TMEM250: variants seen among roughly 807,000 people sequenced by gnomAD.
The protein encoded by TMEM250 is herpes virus UL25-binding protein.
A neutral mutation model predicts 7.0 loss-of-function variants in TMEM250; 7 were observed. The ratio of observed to expected loss-of-function variants is 1.00; its 90% CI spans 0.57 to 1.87. The LOEUF is 1.87. Among genes scored for constraint, TMEM250 ranks in the 40% most tolerant of loss-of-function variants. The pLI, the probability that TMEM250 is intolerant of heterozygous loss-of-function variation, is 0.00. For synonymous variants in TMEM250, 135 were observed against 96.7 expected, an observed-to-expected ratio of 1.40 and a Z score of -2.32; for missense variants, 196 against 202.5, an observed-to-expected ratio of 0.97 and a Z score of 0.19.
rs1184439741 is a variant in TMEM250, at chr9:136,116,925, G to T, written c.-25C>A. The stretch of plus-strand genomic sequence containing the variant: ...TTGGGCCCCGGCGGCGGCGGCGCTA[G>T]GTCGCAGTGGCGGCGGCGGTGTCCA... On this transcript the variant is annotated 5_prime_UTR_variant, in exon 2 of 2. Coordinates refer to ENST00000418388, the MANE Select transcript of TMEM250 (RefSeq NM_152833.3). The T allele has an allele frequency of 6.9e-7, 1 of 1,447,942 alleles. No homozygotes were observed. The highest frequency in any genetic ancestry group is 2.7e-5 in the East Asian group (1 of 37,400). The allele number at this position is 1,447,942 out of a possible 1,614,324, so 89.7% of individuals were successfully genotyped here. A position where few individuals can be genotyped will look rare whatever the true frequency, so the allele number is the denominator to read the frequency against.
chr9:136,116,662 T>C lies in TMEM250; in HGVS notation c.239A>G (p.Gln80Arg). Residue 80 changes from glutamine to arginine, a missense_variant, in exon 2 of 2, where the codon CAG becomes CGG. Transcript: ENST00000418388. Reference protein sequence around the residue: ...WGALAALFCLQYLGVRVLLRF... With the variant: ...WGALAALFCLRYLGVRVLLRF... ...CAGCAGGACGCGAACGCCCAGGTAC[T>C]GTAGGCAGAAGAGGGCGGCCAGCGC... 4.3e-6 allele frequency: 7 copies of C among 1,611,966 alleles called. No individual in the cohort carries two copies. The highest frequency in any genetic ancestry group is 2.2e-5 in the East Asian group (1 of 44,866).
At chr9:136,118,022 G>A (rs1160663245) in intron 1 of TMEM250, 2 of 152,318 alleles carry the variant, frequency 1.3e-5, no homozygotes, top group African/African-American at 4.8e-5. Flanking sequence ...CAGGGCGGAG[G>A]AGGGAGGGGC....
Position 136,116,995 on chromosome 9 carries a change from C to G in TMEM250, c.-95G>C, listed in dbSNP as rs560557321. ...GTCATGGGCGCCTAGGCCTGGGAGC[C>G]CGCAGCTGACCCTGGGGGGAGGCGT... On this transcript the variant is annotated 5_prime_UTR_variant, in exon 2 of 2. Transcript: ENST00000418388. 1.3e-4 allele frequency: 174 copies of G among 1,356,448 alleles called. 3 individuals are homozygous for G. The South Asian group carries it at 2.1e-3, about 16-fold the overall frequency. The allele number at this position is 1,356,448 out of a possible 1,614,324, so 84.0% of individuals were successfully genotyped here.
rs1345798471 is a variant in TMEM250 at position 136,116,933 on chromosome 9, T to TGGC, written c.-36_-34dup. 2.8e-6 allele frequency: 4 copies of TGGC among 1,429,318 alleles called. No individual in the cohort carries two copies. The highest frequency in any genetic ancestry group is 5.5e-5 in the East Asian group (2 of 36,578). The allele number at this position is 1,429,318 out of a possible 1,614,324, so 88.5% of individuals were successfully genotyped here. On this transcript the variant is annotated 5_prime_UTR_variant, in exon 2 of 2. Coordinates refer to ENST00000418388, the MANE Select transcript of TMEM250 (RefSeq NM_152833.3). Reference sequence around the variant, plus strand: ...CGGCGGCGGCGGCGCTAGGTCGCAGTGGCGGCGGCGGTGTCCAGGCGGCTG... The same window carrying TGGC: ...CGGCGGCGGCGGCGCTAGGTCGCAGTGGCGGCGGCGGCGGTGTCCAGGCGGCTG...
At chr9:136,118,225 G>A (rs1486726922) in intron 1 of TMEM250, 2 of 121,012 alleles carry the variant, frequency 1.7e-5, no homozygotes, top group East Asian at 2.3e-4. Context: ...TCCCCGCAGG[G>A]TCTCGCGGCC....
Sources: allele counts gnomAD v4.1 joint callset, GRCh38; gene constraint gnomAD v4.1.1; transcripts MANE v1.5; gene names NCBI Gene and HGNC (gene_info 2026-07-23, HGNC 2026-07-21).